Variants in CD163L1 observed in about 807,000 individuals in gnomAD.
CD163L1 encodes CD163 molecule like 1.
Under a neutral mutation model 165.4 loss-of-function variants are expected in CD163L1, and 124 were observed. That is an observed-to-expected ratio of 0.75 (90% CI 0.65 to 0.87). CD163L1 has a LOEUF of 0.87. CD163L1 is among the 40% of genes least tolerant of loss of function. The probability of loss-of-function intolerance (pLI) is 0.00; values close to 1 mark genes in which losing one functional copy is unlikely to be tolerated. For synonymous variants in CD163L1, 585 were observed against 662.2 expected, an observed-to-expected ratio of 0.88 and a Z score of 1.79; for missense variants, 1,525 against 1,799.9, an observed-to-expected ratio of 0.85 and a Z score of 2.76.
chr12:7,422,226 AC>A (rs1183338318), intron 4 of CD163L1, among the ~76,000 whole-genome samples: 5 of 152,256 alleles, frequency 3.3e-5, no homozygotes, highest in African/African-American at 1.2e-4. Context: ...AAACTAACAG[AC>A]AAAAAGCAAT....
intron 18 of CD163L1, 121 bp from the exon 19 acceptor site, chr12:7,357,607 C>T: frequency 1.6e-6 from 1 of 637,026 alleles, no homozygotes. Flanking sequence ...GTGACTATTA[C>T]ATAAATTAAG....
chr12:7,379,814 G>T (rs1374713855), intron 8 of CD163L1, among the ~76,000 whole-genome samples: 1 of 150,834 alleles, frequency 6.6e-6, no homozygotes, highest in Non-Finnish European at 1.5e-5. Context: ...AGAAATTGGA[G>T]CTCGGGAAAA....
intron 4 of CD163L1, among the ~76,000 whole-genome samples, chr12:7,421,902 G>A (rs949660469): frequency 3.9e-5 from 6 of 151,952 alleles, no homozygotes; most frequent in Admixed American, 2.0e-4. Flanking sequence ...AGCAGATCCT[G>A]ACAAGGAGGG....
chr12:7,340,715 G>A, the CD163L1 span, among the ~76,000 whole-genome samples: 2 of 152,174 alleles, frequency 1.3e-5, no homozygotes, highest in Non-Finnish European at 2.9e-5. Flanking sequence ...CCAGCAATGA[G>A]TGAGAGGAGT....
At chr12:7,427,098 T>C (rs1212629080) in intron 4 of CD163L1, among the ~76,000 whole-genome samples, 2 of 152,056 alleles carry the variant, frequency 1.3e-5, no homozygotes, top group African/African-American at 2.4e-5. Flanking sequence ...TAATACGTAA[T>C]AGTAGGGATT....
chr12:7,341,613 T>C, the CD163L1 span, among the ~76,000 whole-genome samples: 7 of 152,216 alleles, frequency 4.6e-5, no homozygotes, highest in African/African-American at 1.7e-4. Flanking sequence ...GCCATTCTGC[T>C]AGGTCACAGA....
At chr12:7,417,294 T>C (rs564776551) in intron 4 of CD163L1, among the ~76,000 whole-genome samples, 3 of 152,186 alleles carry the variant, frequency 2.0e-5, no homozygotes, top group Non-Finnish European at 2.9e-5. Context: ...TGAAGTTGCT[T>C]ATCAGCTTAA....
chr12:7,331,241 G>T, the CD163L1 span, among the ~76,000 whole-genome samples: 305 of 152,358 alleles, frequency 2.0e-3, 2 homozygotes, highest in African/African-American at 7.1e-3. Flanking sequence ...CTGGAGGAGG[G>T]GCGCCTGCCA....
chr12:7,426,540 T>C (rs1948546805), intron 4 of CD163L1, among the ~76,000 whole-genome samples: 1 of 151,996 alleles, frequency 6.6e-6, no homozygotes, highest in African/African-American at 2.4e-5. Context: ...AAACTACACA[T>C]TGGATACAGT....
chr12:7,349,645 C>G (rs1946694501), intron 4 of CD163L1, among the ~76,000 whole-genome samples: 1 of 152,122 alleles, frequency 6.6e-6, no homozygotes, highest in African/African-American at 2.4e-5. Context: ...TCATGTGGAG[C>G]GAGCGGGCAG....
In CD163L1 at chr12:7,399,104, G is replaced by C. The variant is rs183653431; in HGVS notation, c.1409-520C>G. On this transcript the variant is annotated intron_variant, in intron 6 of 19. Coordinates refer to ENST00000313599, the MANE Select transcript of CD163L1 (RefSeq NM_174941.6). ...TTTTTCCACTGTTCAAAGCACTTGA[G>C]AAATATTGAGAAAATTTGAGAATTT... Among the ~76,000 whole-genome samples, 57 of 152,090 alleles carry C rather than the reference G, an allele frequency of 3.7e-4. 1 individual carries two copies. The highest frequency in any genetic ancestry group is 1.8e-4 in the Non-Finnish European group (12 of 67,992).
At chr12:7,354,055 G>A (rs890635717), downstream of CD163L1, among the ~76,000 whole-genome samples, 11 of 152,158 alleles carry the variant, frequency 7.2e-5, no homozygotes, top group African/African-American at 2.4e-4. Flanking sequence ...CTTGGCATGG[G>A]ACTAATTATC....
Position 7,375,999 on chromosome 12 carries a change from C to G in CD163L1, c.2387G>C (p.Arg796Thr), listed in dbSNP as rs751951486. The G allele has an allele frequency of 6.2e-7, 1 of 1,613,524 alleles. No homozygotes were observed. The highest frequency in any genetic ancestry group is 2.2e-5 in the East Asian group (1 of 44,868). The change falls in exon 10 of 20, where the codon AGG becomes ACG. Residue 796 changes from arginine (R) to threonine (T), a missense_variant. Physicochemically the swap from Arg to Thr is moderately conservative, Grantham distance 71 (BLOSUM62 -1). Transcript: ENST00000313599. ...GCAGGGCATATCAGCTCCAACCAGC[C>G]TGGGCTGCCTGTGGGCTATAAAATA... is the stretch of plus-strand genomic sequence containing the variant. ...SLICSAHRQP[R>T]LVGADMPCSG...
the CD163L1 span, among the ~76,000 whole-genome samples, chr12:7,326,468 C>G: frequency 1.3e-5 from 2 of 152,290 alleles, no homozygotes; most frequent in African/African-American, 2.4e-5. Context: ...CCTTGGCCTC[C>G]CAAAGTCTTG....
At position 7,370,955 on chromosome 12, in the gene CD163L1, T is replaced by TG. The variant is rs1565777220; in HGVS notation, c.3731-1291dup. Among the ~76,000 whole-genome samples the TG allele has an allele frequency of 3.3e-5, 5 of 152,178 alleles. No individual in the cohort carries two copies. In the South Asian group the frequency reaches 8.3e-4, roughly 25 times the overall value. Reference sequence around the variant, plus strand: ...TAGCTCCCATAATTCCCACGTGTTGTGGGGGGGACCTGGTGGGAGGTAATT... The same window carrying TG: ...TAGCTCCCATAATTCCCACGTGTTGTGGGGGGGGACCTGGTGGGAGGTAATT... On this transcript the variant is annotated intron_variant, in intron 14 of 19. Transcript: ENST00000313599.
chr12:7,398,228 T>C lies in CD163L1; in HGVS notation c.1729+36A>G. 1 of 1,559,824 alleles carries C rather than the reference T, an allele frequency of 6.4e-7. No homozygotes were observed. Among genetic ancestry groups the C allele is most frequent in the Non-Finnish European group, 8.7e-7 (1 of 1,143,426 alleles). Reference sequence around the variant, plus strand: ...CCCTTCCTATGAGGAATACTATTTCTCTTATCAGGAAATAATAAACAAGAA... The same window carrying C: ...CCCTTCCTATGAGGAATACTATTTCCCTTATCAGGAAATAATAAACAAGAA... On this transcript the variant is annotated intron_variant, in intron 7 of 19. Coordinates refer to ENST00000313599, the MANE Select transcript of CD163L1 (RefSeq NM_174941.6). The surrounding 1 kb of genome is among the most constrained non-coding windows in gnomAD (Gnocchi z 4.5).
At chr12:7,348,736 A>G (rs1946687369) in intron 4 of CD163L1, among the ~76,000 whole-genome samples, 2 of 152,158 alleles carry the variant, frequency 1.3e-5, no homozygotes, top group South Asian at 4.1e-4. Context: ...CATATAGTAC[A>G]TAGTTAATAA....
chr12:7,421,008 T>C (rs1307047576), intron 4 of CD163L1, among the ~76,000 whole-genome samples: 4 of 131,898 alleles, frequency 3.0e-5, no homozygotes, highest in African/African-American at 8.4e-5. Context: ...TATATATATA[T>C]ACGTGTATAT....
At chr12:7,441,555 CTGAG>C (rs1388692614) in intron 1 of CD163L1, among the ~76,000 whole-genome samples, 2 of 152,134 alleles carry the variant, frequency 1.3e-5, no homozygotes, top group Non-Finnish European at 2.9e-5. Context: ...TTTTGGGTTA[CTGAG>C]TAATTTTTAC....
Sources: gnomAD v4.1 joint callset for allele counts (sites outside exome capture counted in the v4.1 genomes callset) on GRCh38, gnomAD v4.1.1 for gene constraint, Gnocchi (gnomAD v3.1) non-coding constraint, MANE v1.5 for transcripts, NCBI Gene and HGNC (gene_info 2026-07-23, HGNC 2026-07-21) for gene names.